Variants in TP63 observed in about 807,000 individuals in gnomAD.
TP63 encodes tumor protein 63.
A neutral mutation model predicts 82.8 loss-of-function variants in TP63; 17 were observed. That is an observed-to-expected ratio of 0.21 (90% CI 0.14 to 0.31). The LOEUF (loss-of-function observed/expected upper bound fraction) is 0.31. TP63 is among the 10% of genes least tolerant of loss of function. TP63 has a pLI of 1.00. For missense variants in TP63, 648 were observed against 895.3 expected (o/e 0.72, Z 3.52); for synonymous variants, 330 against 321.7 (o/e 1.03, Z -0.28).
chr3:189,653,099 G>A (rs1713035297), intron 1 of TP63, among the ~76,000 whole-genome samples: 1 of 119,734 alleles, frequency 8.4e-6, no homozygotes, highest in Non-Finnish European at 1.7e-5. Flanking sequence ...GATAAGTATG[G>A]CATCGCAGAA....
intron 3 of TP63, among the ~76,000 whole-genome samples, chr3:189,803,050 A>G (rs1235316818): frequency 2.0e-5 from 3 of 152,126 alleles, no homozygotes; most frequent in African/African-American, 7.2e-5. Context: ...TTTAATCCCA[A>G]CACTTTGGGA....
the TP63 span, among the ~76,000 whole-genome samples, chr3:189,596,822 C>A: frequency 6.6e-6 from 1 of 152,150 alleles, no homozygotes; most frequent in Non-Finnish European, 1.5e-5. Context: ...TGCTACTGCT[C>A]ACTCTTTGGG....
In TP63 at chr3:189,840,373, T is replaced by C. The variant is rs1200743492; in HGVS notation, c.580-23859T>C. On this transcript the variant is annotated intron_variant, in intron 4 of 13. Transcript: ENST00000264731. ...TTGCTTTTCGTCTTTTTTTTTTTTT[T>C]TTTTTTTTTTTTTTACAAATTCTTT... Among the ~76,000 whole-genome samples, 4 of 147,268 alleles carry C rather than the reference T, an allele frequency of 2.7e-5. No homozygotes were observed. The East Asian group carries it at 5.9e-4, about 22-fold the overall frequency.
chr3:189,879,566 A>G (rs1719675703), intron 10 of TP63, among the ~76,000 whole-genome samples: 1 of 152,220 alleles, frequency 6.6e-6, no homozygotes, highest in South Asian at 2.1e-4. Context: ...AGGCTAGACA[A>G]GAACTGTAAT....
intron 9 of TP63, among the ~76,000 whole-genome samples, chr3:189,869,998 C>T (rs963197429): frequency 6.6e-6 from 1 of 152,204 alleles, no homozygotes; most frequent in Non-Finnish European, 1.5e-5. Flanking sequence ...AGCTTCTCTA[C>T]TTACCTACCC....
intron 1 of TP63, among the ~76,000 whole-genome samples, chr3:189,651,488 G>A (rs1712882750): frequency 6.9e-6 from 1 of 145,012 alleles, no homozygotes; most frequent in South Asian, 2.3e-4. Flanking sequence ...AGAGGTTGCA[G>A]TGAGCTGAGA....
intron 1 of TP63, among the ~76,000 whole-genome samples, chr3:189,633,726 A>C (rs1379740483): frequency 6.6e-6 from 1 of 152,112 alleles, no homozygotes; most frequent in African/African-American, 2.4e-5. Flanking sequence ...TTATTTGCCT[A>C]ATAAATAATT....
At chr3:189,622,595 G>A in the TP63 span, among the ~76,000 whole-genome samples, 12,973 of 152,206 alleles carry the variant, frequency 0.085, 747 homozygotes, top group East Asian at 0.31. Context: ...ATATAAAGAG[G>A]AGAGATCTTT....
At position 189,739,759 on chromosome 3, in the gene TP63, G is replaced by A. The variant is rs534801438; in HGVS notation, c.324+985G>A. 2.0e-5 allele frequency among the ~76,000 whole-genome samples: 3 copies of A among 150,110 alleles called. No homozygotes were observed. The East Asian group carries it at 5.9e-4, about 29-fold the overall frequency. ...AGATGTTTAGATTTCCTGTGTTTGT[G>A]CAGTTTCATAATGCTGGTGGGTTTT... On this transcript the variant is annotated intron_variant, in intron 3 of 13. Coordinates refer to ENST00000264731, the MANE Select transcript of TP63 (RefSeq NM_003722.5).
chr3:189,734,575 C>A (rs1720434208), intron 1 of TP63, among the ~76,000 whole-genome samples: 1 of 152,134 alleles, frequency 6.6e-6, no homozygotes, highest in Admixed American at 6.5e-5. Context: ...GTTTTCTAAA[C>A]TGATTCACAT....
chr3:189,751,673 T>G (rs1656979276), intron 3 of TP63, among the ~76,000 whole-genome samples: 1 of 152,200 alleles, frequency 6.6e-6, no homozygotes, highest in South Asian at 2.1e-4. Context: ...GGTTGTTTGT[T>G]TTTTTCTTGT....
Position 189,808,451 on chromosome 3 carries a change from C to T in TP63, c.504C>T (p.Asn168=), listed in dbSNP as rs141278696. 3.6e-4 allele frequency: 585 copies of T among 1,614,110 alleles called. 1 individual carries two copies. The highest frequency in any genetic ancestry group is 4.8e-4 in the Non-Finnish European group (564 of 1,180,052). Residue 168 remains asparagine (N), a synonymous_variant, in exon 4 of 14, where the codon AAC becomes AAT. Coordinates refer to ENST00000264731, the MANE Select transcript of TP63 (RefSeq NM_003722.5). ...ALSPSPAIPS[N]TDYPGPHSFD... is the part of the protein sequence containing the mutation. ...CTCCATCACCCGCCATCCCCTCCAA[C>T]ACCGACTACCCAGGCCCGCACAGTT...
intron 3 of TP63, among the ~76,000 whole-genome samples, chr3:189,796,096 C>T (rs1351026895): frequency 6.6e-6 from 1 of 151,852 alleles, no homozygotes; most frequent in Admixed American, 6.6e-5. Flanking sequence ...AAATAGTAAT[C>T]CTGAAGCTGA....
At chr3:189,761,871 G>A (rs1245002351) in intron 3 of TP63, among the ~76,000 whole-genome samples, 1 of 152,212 alleles carries the variant, frequency 6.6e-6, no homozygotes, top group African/African-American at 2.4e-5. Flanking sequence ...TTATGTGGAT[G>A]GCAGCAGGCA....
intron 3 of TP63, among the ~76,000 whole-genome samples, chr3:189,768,455 A>G (rs1309346443): frequency 6.6e-6 from 1 of 152,140 alleles, no homozygotes; most frequent in Non-Finnish European, 1.5e-5. Context: ...CGAATCACAA[A>G]CGTAGGTAGT....
intron 4 of TP63, chr3:189,829,813 C>G: frequency 4.0e-6 from 1 of 251,254 alleles, no homozygotes; most frequent in South Asian, 3.7e-5. Context: ...ATACTGCTGA[C>G]AGTTTTTTTC....
At chr3:189,741,146 A>T (rs1016951807) in intron 3 of TP63, among the ~76,000 whole-genome samples, 11 of 152,030 alleles carry the variant, frequency 7.2e-5, no homozygotes, top group African/African-American at 2.7e-4. Flanking sequence ...AAATAAAGGT[A>T]GAGTGAGAAA....
At position 189,880,135 on chromosome 3, in the gene TP63, T is replaced by C. The variant is rs777582372; in HGVS notation, c.1350-6259T>C. 5.1e-5 allele frequency: 83 copies of C among 1,613,810 alleles called. 1 individual carries two copies. The highest frequency in any genetic ancestry group is 4.6e-4 in the South Asian group (42 of 91,078). ...GAAACTCCAAAACAATCTGACGTCT[T>C]CTTTAGACATTCCAAGCCCCCAAAC... On this transcript the variant is annotated intron_variant, in intron 10 of 13. Transcript: ENST00000264731.
chr3:189,596,816 A>G, the TP63 span, among the ~76,000 whole-genome samples: 2 of 152,148 alleles, frequency 1.3e-5, no homozygotes, highest in Non-Finnish European at 2.9e-5. Context: ...AAATCTTGCT[A>G]CTGCTCACTC....
Sources: gnomAD v4.1 joint callset for allele counts (sites outside exome capture counted in the v4.1 genomes callset) on GRCh38, gnomAD v4.1.1 for gene constraint, MANE v1.5 for transcripts, NCBI Gene and HGNC (gene_info 2026-07-23, HGNC 2026-07-21) for gene names.